The following SKAP1 variants were observed in gnomAD, a reference collection of about 807,000 sequenced individuals.
The protein encoded by SKAP1 is src kinase associated phosphoprotein 1.
Under a neutral mutation model 58.5 loss-of-function variants are expected in SKAP1, and 44 were observed. The observed-to-expected ratio is 0.75, with a 90% CI of 0.59 to 0.97. The LOEUF is 0.97. Among genes scored for constraint, SKAP1 ranks in the 50% least tolerant of loss-of-function variants. The pLI is 0.00. For synonymous variants in SKAP1, 127 were observed against 149.7 expected (o/e 0.85, Z 1.11); for missense variants, 390 against 435.2 (o/e 0.90, Z 0.92).
At chr17:48,225,518 A>G (rs1381695542) in intron 4 of SKAP1, among the ~76,000 whole-genome samples, 4 of 152,180 alleles carry the variant, frequency 2.6e-5, no homozygotes, top group Non-Finnish European at 4.4e-5. Flanking sequence ...AATAGAAAGC[A>G]TTGTTCAGGT....
At chr17:48,276,844 A>G (rs2065707282) in intron 4 of SKAP1, among the ~76,000 whole-genome samples, 1 of 152,216 alleles carries the variant, frequency 6.6e-6, no homozygotes, top group Non-Finnish European at 1.5e-5. Context: ...GCACAGATTG[A>G]GCTAGTTGTA....
At chr17:48,181,671 T>C (rs1417944410) in intron 8 of SKAP1, among the ~76,000 whole-genome samples, 2 of 152,228 alleles carry the variant, frequency 1.3e-5, no homozygotes, top group Non-Finnish European at 2.9e-5. Context: ...ATAAAGTTGG[T>C]GTTTCTGCCT....
chr17:48,137,187 C>A (rs79874741), intron 12 of SKAP1, 42 bp downstream of exon 12: 2 of 1,263,116 alleles, frequency 1.6e-6, no homozygotes, highest in African/African-American at 1.5e-5. Context: ...CCCACAAGTT[C>A]CACTCAACTA....
chr17:48,196,699 C>A (rs1304289918), intron 4 of SKAP1: 4 of 152,216 alleles, frequency 2.6e-5, no homozygotes, highest in Non-Finnish European at 5.9e-5. Flanking sequence ...GAATGCTTCA[C>A]AAATTTGCAT....
intron 10 of SKAP1, among the ~76,000 whole-genome samples, chr17:48,167,519 G>A (rs763575254): frequency 8.3e-4 from 127 of 152,252 alleles, no homozygotes; most frequent in Admixed American, 9.8e-4. Context: ...CTCTATTGGC[G>A]CGCACTAAAG....
intron 2 of SKAP1, among the ~76,000 whole-genome samples, chr17:48,364,796 G>T (rs1263967284): frequency 6.6e-6 from 1 of 152,178 alleles, no homozygotes; most frequent in Non-Finnish European, 1.5e-5. Flanking sequence ...AGCCAAGAAT[G>T]GGGCTCTTGC....
chr17:48,168,614 G>A (rs1176792341), intron 10 of SKAP1, among the ~76,000 whole-genome samples: 3 of 152,166 alleles, frequency 2.0e-5, no homozygotes, highest in Non-Finnish European at 4.4e-5. Flanking sequence ...CGGAGATAGC[G>A]CCATTGCACT....
chr17:48,147,374 A>G (rs1252819692), intron 11 of SKAP1, among the ~76,000 whole-genome samples: 2 of 152,238 alleles, frequency 1.3e-5, no homozygotes, highest in Admixed American at 6.5e-5. Context: ...GTACTATTCC[A>G]GGGTCAGTCC....
At chr17:48,192,119 G>A (rs1246241520) in intron 4 of SKAP1, among the ~76,000 whole-genome samples, 1 of 151,930 alleles carries the variant, frequency 6.6e-6, no homozygotes, top group Non-Finnish European at 1.5e-5. Flanking sequence ...GTTCAAGGCT[G>A]CAGTGAGCTG....
At chr17:48,197,354 AGT>A (rs1246490434) in intron 4 of SKAP1, among the ~76,000 whole-genome samples, 1 of 151,828 alleles carries the variant, frequency 6.6e-6, no homozygotes, top group Non-Finnish European at 1.5e-5. Flanking sequence ...ACCCTGTTCC[AGT>A]GTAGGGCTCA....
At chr17:48,181,233 A>G (rs917756188) in intron 8 of SKAP1, among the ~76,000 whole-genome samples, 13 of 152,232 alleles carry the variant, frequency 8.5e-5, no homozygotes, top group African/African-American at 3.1e-4. Flanking sequence ...TTTGTGGCTT[A>G]AACCATATGT....
intron 4 of SKAP1, among the ~76,000 whole-genome samples, chr17:48,256,946 C>T (rs1474075525): frequency 1.3e-5 from 2 of 151,910 alleles, no homozygotes; most frequent in Non-Finnish European, 2.9e-5. Context: ...TAGAAGGATG[C>T]AAAATACCCC....
At chr17:48,338,440 C>A (rs959963244) in intron 4 of SKAP1, among the ~76,000 whole-genome samples, 1 of 152,190 alleles carries the variant, frequency 6.6e-6, no homozygotes, top group East Asian at 1.9e-4. Flanking sequence ...GCATGAGTCA[C>A]CGCGCCTGAC....
chr17:48,176,613 C>T (rs950939382), intron 9 of SKAP1, among the ~76,000 whole-genome samples: 1 of 152,098 alleles, frequency 6.6e-6, no homozygotes, highest in African/African-American at 2.4e-5. Context: ...TCAGAAATTC[C>T]ACCAGATACC....
chr17:48,211,334 C>T lies in SKAP1; in HGVS notation c.281-21834G>A, dbSNP rs143796931. Reference sequence around the variant, plus strand: ...GAGTTGTCTGCAAATCAATTCATTTCAGGAGTGGGAGAATTTCTTAATATC... The same window carrying T: ...GAGTTGTCTGCAAATCAATTCATTTTAGGAGTGGGAGAATTTCTTAATATC... On this transcript the variant is annotated intron_variant, in intron 4 of 12. Transcript: ENST00000336915. Among the ~76,000 whole-genome samples, 100 of 152,174 alleles carry T rather than the reference C, an allele frequency of 6.6e-4. 1 individual carries two copies. The East Asian group carries it at 0.017, about 26-fold the overall frequency.
chr17:48,260,917 C>G (rs1378503323), intron 4 of SKAP1, among the ~76,000 whole-genome samples: 1 of 152,068 alleles, frequency 6.6e-6, no homozygotes, highest in African/African-American at 2.4e-5. Flanking sequence ...ACTACTGTTC[C>G]CCTGCCTGGA....
chr17:48,210,424 G>A (rs2064858018), intron 4 of SKAP1, among the ~76,000 whole-genome samples: 1 of 152,198 alleles, frequency 6.6e-6, no homozygotes, highest in Admixed American at 6.5e-5. Context: ...AAGAACCACA[G>A]CCTCAGAGTA....
intron 4 of SKAP1, among the ~76,000 whole-genome samples, chr17:48,313,167 G>T (rs2066245735): frequency 6.6e-6 from 1 of 151,866 alleles, no homozygotes; most frequent in South Asian, 2.1e-4. Flanking sequence ...GGAGGGCGCG[G>T]CTGGTGTGAA....
intron 4 of SKAP1, among the ~76,000 whole-genome samples, chr17:48,344,963 A>G (rs1334364840): frequency 6.6e-6 from 1 of 152,260 alleles, no homozygotes; most frequent in Admixed American, 6.5e-5. Flanking sequence ...AAAGTAAGGA[A>G]TAATTTACCA....
Sources: allele counts gnomAD v4.1 joint callset (sites outside exome capture counted in the v4.1 genomes callset), GRCh38; gene constraint gnomAD v4.1.1; transcripts MANE v1.5; gene names NCBI Gene and HGNC (gene_info 2026-07-23, HGNC 2026-07-21).